Variants in PIAS1 observed in about 807,000 individuals in gnomAD.
The protein encoded by PIAS1 is E3 SUMO-protein ligase PIAS1.
Under a neutral mutation model 71.3 loss-of-function variants are expected in PIAS1, and 6 were observed. The observed-to-expected ratio is 0.08, with a 90% CI of 0.05 to 0.17. The LOEUF is 0.17. Ranked by LOEUF, PIAS1 falls within the 10% of genes least tolerant of loss-of-function variation. PIAS1 has a pLI of 1.00. For missense variants in PIAS1, 555 were observed against 793.6 expected, an observed-to-expected ratio of 0.70 and a Z score of 3.61; for synonymous variants, 303 against 292.9, an observed-to-expected ratio of 1.03 and a Z score of -0.35.
rs182709174 is a variant in PIAS1 at position 68,057,505 on chromosome 15, C to G, written c.24+3155C>G. ...GAAGAAGAGTGGGAGAGAAGAAGTC[C>G]ATCAGCATTTTAGTGGAGTAAATAA... is the stretch of plus-strand genomic sequence containing the variant. On this transcript the variant is annotated intron_variant, in intron 1 of 13. Coordinates refer to ENST00000249636, the MANE Select transcript of PIAS1 (RefSeq NM_016166.3). 9.3e-5 allele frequency: 41 copies of G among 442,192 alleles called. No individual in the cohort carries two copies. The East Asian group carries it at 1.4e-3, about 15-fold the overall frequency. The allele number at this position is 442,192 out of a possible 1,614,324, so 27.4% of individuals were successfully genotyped here. A position where few individuals can be genotyped will look rare whatever the true frequency, so the allele number is the denominator to read the frequency against.
intron 1 of PIAS1, among the ~76,000 whole-genome samples, chr15:68,076,998 C>T (rs1238001935): frequency 6.6e-6 from 1 of 152,080 alleles, no homozygotes; most frequent in Non-Finnish European, 1.5e-5. Context: ...AGCTGAAAAA[C>T]ATGAAGTTTA....
At chr15:68,101,284 T>C (rs1196381450) in intron 2 of PIAS1, among the ~76,000 whole-genome samples, 2 of 152,026 alleles carry the variant, frequency 1.3e-5, no homozygotes, top group Non-Finnish European at 2.9e-5. Context: ...CTGAATATCC[T>C]CTTCAGTGAA....
At chr15:68,088,174 G>GTGTATATATATATATATATATATA (rs2092300518) in intron 2 of PIAS1, among the ~76,000 whole-genome samples, 1 of 27,942 alleles carries the variant, frequency 3.6e-5, no homozygotes, top group African/African-American at 1.4e-4. Flanking sequence ...GATTATGTGT[G>GTGTATATATATATATATATATATA]TGTATATATA....
chr15:68,087,243 A>G (rs2092291583), intron 2 of PIAS1, among the ~76,000 whole-genome samples: 1 of 152,174 alleles, frequency 6.6e-6, no homozygotes, highest in Admixed American at 6.6e-5. Flanking sequence ...GGAGAAGTGC[A>G]TGCTTTACAG....
intron 1 of PIAS1, among the ~76,000 whole-genome samples, chr15:68,068,612 T>G (rs1040458926): frequency 2.6e-5 from 4 of 151,702 alleles, no homozygotes; most frequent in Admixed American, 1.3e-4. Context: ...GCCACCATGC[T>G]TGGCCAATTT....
At chr15:68,085,716 G>A (rs1473215170) in intron 1 of PIAS1, among the ~76,000 whole-genome samples, 1 of 152,156 alleles carries the variant, frequency 6.6e-6, no homozygotes, top group Non-Finnish European at 1.5e-5. Context: ...TAAAGATAAT[G>A]ACATTCCATG....
At chr15:68,124,356 C>T (rs942626932) in intron 2 of PIAS1, among the ~76,000 whole-genome samples, 1 of 150,546 alleles carries the variant, frequency 6.6e-6, no homozygotes, top group Non-Finnish European at 1.5e-5. Flanking sequence ...TTACCACAGT[C>T]GTGACTTCCA....
intron 1 of PIAS1, among the ~76,000 whole-genome samples, chr15:68,068,665 C>T (rs147533570): frequency 8.0e-4 from 121 of 152,154 alleles, no homozygotes; most frequent in African/African-American, 2.8e-3. Context: ...GTTGGCCAGG[C>T]TGGTCTCGAA....
In PIAS1 at chr15:68,193,663, A is replaced by G; in HGVS notation, c.*5828A>G. 4.6e-6 allele frequency: 1 copy of G among 218,178 alleles called. No homozygotes were observed. The highest frequency in any genetic ancestry group is 9.2e-6 in the Non-Finnish European group (1 of 109,000). The allele number at this position is 218,178 out of a possible 1,614,324, so 13.5% of individuals were successfully genotyped here. On this transcript the variant is annotated 3_prime_UTR_variant, in exon 14 of 14. Transcript: ENST00000249636. ...TCCATGAGGTAAGAAGTGGGAATCC[A>G]GCTTGTGTGGGGGGGCTTTGAGGAG... is the stretch of plus-strand genomic sequence containing the variant.
At chr15:68,133,259 T>C (rs1030915244) in intron 2 of PIAS1, among the ~76,000 whole-genome samples, 1 of 152,034 alleles carries the variant, frequency 6.6e-6, no homozygotes, top group African/African-American at 2.4e-5. Flanking sequence ...ATGATAGAAA[T>C]AAAACCTTGA....
intron 2 of PIAS1, among the ~76,000 whole-genome samples, chr15:68,139,248 C>T (rs2092753936): frequency 2.0e-5 from 3 of 152,138 alleles, no homozygotes; most frequent in Admixed American, 2.0e-4. Context: ...CTACTACTCT[C>T]TGTTGGGCTG....
chr15:68,116,355 G>T (rs1475370029), intron 2 of PIAS1, among the ~76,000 whole-genome samples: 1 of 152,014 alleles, frequency 6.6e-6, no homozygotes. Flanking sequence ...TTCTTGCTGA[G>T]TTATAAGTTT....
intron 2 of PIAS1, among the ~76,000 whole-genome samples, chr15:68,122,207 C>T (rs961232585): frequency 4.6e-5 from 7 of 152,072 alleles, no homozygotes; most frequent in African/African-American, 9.7e-5. Flanking sequence ...ACAGTATTCT[C>T]AGGGGAAGCA....
chr15:68,131,677 ATCTC>A (rs1259489934), intron 2 of PIAS1, among the ~76,000 whole-genome samples: 1 of 152,108 alleles, frequency 6.6e-6, no homozygotes, highest in Non-Finnish European at 1.5e-5. Flanking sequence ...AAATGACAGA[ATCTC>A]TCTCTGTTTT....
chr15:68,128,410 A>G (rs1398571772), intron 2 of PIAS1, among the ~76,000 whole-genome samples: 1 of 152,144 alleles, frequency 6.6e-6, no homozygotes, highest in Non-Finnish European at 1.5e-5. Flanking sequence ...GGCCTCCCAA[A>G]GTGCTGGGAT....
In PIAS1 at chr15:68,190,911, G is replaced by A. The variant is rs191701794; in HGVS notation, c.*3076G>A. ...CTCTGAAAAATCGGATTCTTTGGCA[G>A]ATTTTCCTTTGAGTCAAGTGTCTGA... On this transcript the variant is annotated 3_prime_UTR_variant, in exon 14 of 14. Coordinates refer to ENST00000249636, the MANE Select transcript of PIAS1 (RefSeq NM_016166.3). This position sits in a 1 kb window ranked among gnomAD's most constrained non-coding sequence, Gnocchi z 4.7. 1.3e-5 allele frequency: 2 copies of A among 152,290 alleles called. No homozygotes were observed. Among genetic ancestry groups the A allele is most frequent in the Admixed American group, 6.5e-5 (1 of 15,280 alleles). 9.4% of individuals were successfully genotyped at this position (152,290 alleles called of 1,614,324 possible). A position where few individuals can be genotyped will look rare whatever the true frequency, so the allele number is the denominator to read the frequency against.
intron 2 of PIAS1, among the ~76,000 whole-genome samples, chr15:68,097,458 G>C (rs1451218838): frequency 6.6e-6 from 1 of 151,994 alleles, no homozygotes; most frequent in Non-Finnish European, 1.5e-5. Context: ...TTGAGACGGA[G>C]TTTTACTCTT....
At chr15:68,165,176 CAA>C (rs1264085501) in intron 8 of PIAS1, among the ~76,000 whole-genome samples, 2 of 152,104 alleles carry the variant, frequency 1.3e-5, no homozygotes, top group African/African-American at 2.4e-5. Context: ...GGCTGGAGTG[CAA>C]TGGTGCCATC....
intron 1 of PIAS1, among the ~76,000 whole-genome samples, chr15:68,079,440 A>T (rs995997538): frequency 5.3e-5 from 8 of 152,134 alleles, no homozygotes; most frequent in African/African-American, 1.7e-4. Flanking sequence ...CTAAATTTTA[A>T]AATTAAACTA....
Sources: gnomAD v4.1 joint callset for allele counts (sites outside exome capture counted in the v4.1 genomes callset) on GRCh38, gnomAD v4.1.1 for gene constraint, Gnocchi (gnomAD v3.1) non-coding constraint, MANE v1.5 for transcripts, NCBI Gene and HGNC (gene_info 2026-07-23, HGNC 2026-07-21) for gene names.